TSPEAR: variants seen among roughly 807,000 people sequenced by gnomAD.
TSPEAR encodes the protein thrombospondin type laminin G domain and EAR repeats.
Under a neutral mutation model 71.6 loss-of-function variants are expected in TSPEAR, and 69 were observed. The observed-to-expected ratio is 0.96, with a 90% CI of 0.79 to 1.18. The LOEUF is 1.18. Among genes scored for constraint, TSPEAR ranks in the 50% most tolerant of loss-of-function variants. The pLI is 0.00. For missense variants in TSPEAR, 971 were observed against 894.9 expected (o/e 1.09, Z -1.09); for synonymous variants, 402 against 387.2 (o/e 1.04, Z -0.45).
intron 1 of TSPEAR, among the ~76,000 whole-genome samples, chr21:44,681,071 C>T (rs992311365): frequency 6.6e-6 from 1 of 152,196 alleles, no homozygotes; most frequent in Admixed American, 6.5e-5. Flanking sequence ...TTCATCATTA[C>T]GTATCCTCTG....
intron 1 of TSPEAR, among the ~76,000 whole-genome samples, chr21:44,619,156 G>A (rs1316721452): frequency 6.6e-6 from 1 of 152,184 alleles, no homozygotes; most frequent in African/African-American, 2.4e-5. Flanking sequence ...GCCGAGTGCT[G>A]AAGGCGTGGA....
chr21:44,654,098 G>A (rs1308176572), intron 1 of TSPEAR: 3 of 615,402 alleles, frequency 4.9e-6, no homozygotes, highest in Admixed American at 2.9e-5. Context: ...GAGAAACTGT[G>A]TAGAAAGGCG....
At chr21:44,508,947 G>A (rs1555912248) in intron 10 of TSPEAR, 2 of 1,532,442 alleles carry the variant, frequency 1.3e-6, no homozygotes, top group East Asian at 2.6e-5. Flanking sequence ...GTGTGAAGGG[G>A]CAGAACTCCG....
chr21:44,505,761 G>A (rs1313095428), intron 10 of TSPEAR, among the ~76,000 whole-genome samples: 1 of 151,956 alleles, frequency 6.6e-6, no homozygotes, highest in Non-Finnish European at 1.5e-5. Context: ...TTCTAAGGCC[G>A]AGTAACGCTC....
intron 1 of TSPEAR, among the ~76,000 whole-genome samples, chr21:44,618,522 A>G (rs938307582): frequency 9.9e-5 from 15 of 152,234 alleles, no homozygotes; most frequent in African/African-American, 3.1e-4. Context: ...AAGGGAACAC[A>G]TAATCAAGTA....
intron 1 of TSPEAR, among the ~76,000 whole-genome samples, chr21:44,570,863 C>T (rs889607941): frequency 6.6e-5 from 10 of 152,188 alleles, no homozygotes; most frequent in Non-Finnish European, 1.2e-4. Flanking sequence ...ACTCCATAAA[C>T]AACACCACGT....
chr21:44,588,673 A>AT (rs1399113449), intron 1 of TSPEAR, among the ~76,000 whole-genome samples: 3 of 35,972 alleles, frequency 8.3e-5, no homozygotes, highest in Admixed American at 2.5e-4. Flanking sequence ...TTATATATAT[A>AT]ATATATATAT....
intron 1 of TSPEAR, chr21:44,654,178 A>G (rs1984979303): frequency 1.0e-6 from 1 of 985,262 alleles, no homozygotes; most frequent in Admixed American, 2.0e-5. Flanking sequence ...AGGTGACGAC[A>G]GTTTGCTGTG....
intron 1 of TSPEAR, among the ~76,000 whole-genome samples, chr21:44,630,353 T>C (rs1185609026): frequency 1.3e-5 from 2 of 152,070 alleles, no homozygotes; most frequent in East Asian, 1.9e-4. Context: ...AGAGGCTTGG[T>C]CAGAACATTT....
At chr21:44,636,882 C>T (rs1167607074) in intron 1 of TSPEAR, among the ~76,000 whole-genome samples, 4 of 152,194 alleles carry the variant, frequency 2.6e-5, no homozygotes, top group South Asian at 2.1e-4. Context: ...GTCCTCCTGC[C>T]CTTGGCAGAC....
At chr21:44,508,426 C>T in intron 10 of TSPEAR, 1 of 1,006,710 alleles carries the variant, frequency 9.9e-7, no homozygotes, top group Non-Finnish European at 1.2e-6. Context: ...GGGAAAGCCG[C>T]CTGCTCCATC....
rs781897147 is a variant in TSPEAR, at chr21:44,612,690, G to T, written c.83-44685C>A. The T allele has an allele frequency of 5.1e-5, 83 of 1,613,706 alleles. No homozygotes were observed. Among genetic ancestry groups the T allele is most frequent in the Non-Finnish European group, 6.7e-5 (79 of 1,179,924 alleles). On this transcript the variant is annotated intron_variant, in intron 1 of 11. Transcript: ENST00000323084. The surrounding 1 kb of genome is among the most constrained non-coding windows in gnomAD (Gnocchi z 4.1). The stretch of plus-strand genomic sequence containing the variant: ...CAGAAGTCTAGCTGCCAGCCGGCTT[G>T]CTGCACCACCTCCTGCTGCAGACCC...
intron 1 of TSPEAR, among the ~76,000 whole-genome samples, chr21:44,625,898 C>T (rs1445818758): frequency 3.3e-5 from 5 of 152,284 alleles, no homozygotes; most frequent in Admixed American, 2.0e-4. Context: ...CCACACTTTG[C>T]GTAAGACTGA....
At chr21:44,580,664 T>C in intron 1 of TSPEAR, 1 of 1,386,710 alleles carries the variant, frequency 7.2e-7, no homozygotes, top group Non-Finnish European at 1.0e-6. Flanking sequence ...AGTGAGTGAG[T>C]GAGGTGCTCA....
rs73907008 is a variant in TSPEAR, at chr21:44,528,171, G to A, written c.922+281C>T. 0.015 allele frequency among the ~76,000 whole-genome samples: 2,341 copies of A among 152,242 alleles called. 63 individuals are homozygous for A. The highest frequency in any genetic ancestry group is 0.053 in the African/African-American group (2,181 of 41,534). On this transcript the variant is annotated intron_variant, in intron 6 of 11. Transcript: ENST00000323084. ...ATTTCCAATTGAGATGCACAGGCTC[G>A]AGGCTCCTGGTGGGGCAGTTTCCTG...
chr21:44,517,297 C>G (rs587700919), intron 9 of TSPEAR: 1 of 158,150 alleles, frequency 6.3e-6, no homozygotes, highest in South Asian at 1.9e-4. Context: ...CTGGGCTTGC[C>G]AGTGCACCCC....
At chr21:44,579,919 G>A (rs782611263) in intron 1 of TSPEAR, 123 of 1,613,104 alleles carry the variant, frequency 7.6e-5, no homozygotes, top group Non-Finnish European at 3.1e-5. Flanking sequence ...GGAGGGACAC[G>A]GAGGAGGAGG....
intron 9 of TSPEAR, among the ~76,000 whole-genome samples, chr21:44,521,384 G>A (rs2052729933): frequency 6.6e-6 from 1 of 152,198 alleles, no homozygotes; most frequent in Non-Finnish European, 1.5e-5. Flanking sequence ...GTCTCGTGGT[G>A]GCTGGAACCA....
chr21:44,685,093 G>A (rs1986796621), intron 1 of TSPEAR, among the ~76,000 whole-genome samples: 1 of 152,108 alleles, frequency 6.6e-6, no homozygotes, highest in South Asian at 2.1e-4. Flanking sequence ...ACCCCACTTG[G>A]TCTTCAGCCT....
Sources: allele counts gnomAD v4.1 joint callset (sites outside exome capture counted in the v4.1 genomes callset), GRCh38; gene constraint gnomAD v4.1.1; non-coding constraint Gnocchi (gnomAD v3.1); transcripts MANE v1.5; gene names NCBI Gene and HGNC (gene_info 2026-07-23, HGNC 2026-07-21).